RNF168: variants seen among roughly 807,000 people sequenced by gnomAD.
RNF168 encodes ring finger protein 168, also known as E3 ubiquitin-protein ligase RNF168.
A neutral mutation model predicts 34.9 loss-of-function variants in RNF168; 34 were observed. That is an observed-to-expected ratio of 0.97 (90% CI 0.74 to 1.30). The LOEUF is 1.30. RNF168 is among the 50% of genes most tolerant of loss of function. The probability of loss-of-function intolerance (pLI) is 0.00; values close to 1 mark genes in which losing one functional copy is unlikely to be tolerated. For synonymous variants in RNF168, 264 were observed against 254.7 expected, an observed-to-expected ratio of 1.04 and a Z score of -0.35; for missense variants, 725 against 682.5, an observed-to-expected ratio of 1.06 and a Z score of -0.69.
At chr3:196,494,007 C>G (rs1015741910) in intron 1 of RNF168, among the ~76,000 whole-genome samples, 4 of 151,792 alleles carry the variant, frequency 2.6e-5, no homozygotes, top group African/African-American at 9.7e-5. Context: ...CGCCCACCAC[C>G]ACACCCGGCT....
At chr3:196,488,807 G>A (rs1732520197) in intron 1 of RNF168, 124 bp from the exon 2 acceptor site, 2 of 486,662 alleles carry the variant, frequency 4.1e-6, no homozygotes, top group Non-Finnish European at 7.4e-6. Context: ...ATCTCCTTTT[G>A]GAATTCCATT....
intron 1 of RNF168, among the ~76,000 whole-genome samples, chr3:196,490,119 A>C (rs1208512253): frequency 6.6e-6 from 1 of 152,204 alleles, no homozygotes; most frequent in Non-Finnish European, 1.5e-5. Flanking sequence ...CAAACCTAAA[A>C]GCTAATCCAA....
intron 1 of RNF168, among the ~76,000 whole-genome samples, chr3:196,499,188 G>C (rs4244200): frequency 0.25 from 37,729 of 151,466 alleles, 6,148 homozygotes; most frequent in East Asian, 0.69. Context: ...AAAAGAGAGA[G>C]ACACAGAGGA....
rs751363298 is a variant in RNF168, at chr3:196,472,106, G to C, written c.1429C>G (p.Arg477Gly). Residue 477 changes from arginine (R) to glycine (G), a missense_variant, in exon 6 of 6, where the codon CGC becomes GGC. Transcript: ENST00000318037. ...TTGTCTGGAGGGGAGGATGTAGCGC[G>C]TAAGTGATACTCATCTGGGGATCCT... ...QKGSPDEYHL[R>G]ATSSPPDKVL... 44 of 1,613,660 alleles carry C rather than the reference G, an allele frequency of 2.7e-5. No homozygotes were observed. The highest frequency in any genetic ancestry group is 5.5e-5 in the South Asian group (5 of 90,996).
chr3:196,495,974 T>A (rs571837802), intron 1 of RNF168, among the ~76,000 whole-genome samples: 2 of 152,240 alleles, frequency 1.3e-5, no homozygotes, highest in Non-Finnish European at 2.9e-5. Context: ...ATCTCATATG[T>A]GCTTTCTTAC....
At chr3:196,476,072 T>A (rs1180193132) in intron 4 of RNF168, among the ~76,000 whole-genome samples, 1 of 151,324 alleles carries the variant, frequency 6.6e-6, no homozygotes, top group Non-Finnish European at 1.5e-5. Flanking sequence ...TTGGTCAGGC[T>A]GGTCTCGAAC....
chr3:196,487,864 T>G (rs957955532), intron 2 of RNF168, among the ~76,000 whole-genome samples: 11 of 152,200 alleles, frequency 7.2e-5, no homozygotes, highest in Non-Finnish European at 1.5e-5. Context: ...GAGAAAAATC[T>G]CTATTTATGT....
intron 4 of RNF168, among the ~76,000 whole-genome samples, chr3:196,477,813 G>A (rs1331688792): frequency 6.6e-6 from 1 of 152,216 alleles, no homozygotes; most frequent in South Asian, 2.1e-4. Flanking sequence ...ACTGGCCGTG[G>A]TGGTTCATGC....
intron 3 of RNF168, among the ~76,000 whole-genome samples, chr3:196,484,423 C>T (rs1351563580): frequency 6.7e-6 from 1 of 150,178 alleles, no homozygotes; most frequent in East Asian, 1.9e-4. Context: ...ATCTGCCTGC[C>T]TCGGCCTCCC....
intron 1 of RNF168, among the ~76,000 whole-genome samples, chr3:196,498,909 C>A (rs1386651592): frequency 1.3e-5 from 2 of 151,636 alleles, no homozygotes; most frequent in East Asian, 3.9e-4. Flanking sequence ...GCAGGAGAAT[C>A]ACTTGAACCC....
intron 4 of RNF168, among the ~76,000 whole-genome samples, chr3:196,483,339 AC>A (rs1732341311): frequency 2.0e-5 from 3 of 152,302 alleles, no homozygotes; most frequent in Admixed American, 2.0e-4. Context: ...TCCACCTGGC[AC>A]CTGACCCTGG....
intron 1 of RNF168, among the ~76,000 whole-genome samples, chr3:196,502,054 G>GAAAAAAAAAAAAA (rs554041803): frequency 8.4e-4 from 42 of 50,050 alleles, no homozygotes; most frequent in Non-Finnish European, 1.1e-3. Flanking sequence ...AAAAAAATTA[G>GAAAAAAAAAAAAA]AAAAAAAAAA....
Position 196,481,685 on chromosome 3 carries a change from T to A in RNF168, c.680+2085A>T, listed in dbSNP as rs1397463324. Among the ~76,000 whole-genome samples, 7 of 27,660 alleles carry A rather than the reference T, an allele frequency of 2.5e-4. No homozygotes were observed. The South Asian group carries it at 7.6e-3, about 30-fold the overall frequency. 18.1% of individuals were successfully genotyped at this position (27,660 alleles called of 152,430 possible). A position where few individuals can be genotyped will look rare whatever the true frequency, so the allele number is the denominator to read the frequency against. ...TTTTAAATACGTTTTCAGCTGCGTT[T>A]TTTTTTTTTTTTTTTTTTTTTTTTG... On this transcript the variant is annotated intron_variant, in intron 4 of 5. Coordinates refer to ENST00000318037, the MANE Select transcript of RNF168 (RefSeq NM_152617.4).
At chr3:196,482,642 A>G (rs1395914425) in intron 4 of RNF168, among the ~76,000 whole-genome samples, 3 of 152,164 alleles carry the variant, frequency 2.0e-5, no homozygotes, top group African/African-American at 7.2e-5. Flanking sequence ...TAGCCATCCT[A>G]ATGGGTATGA....
intron 4 of RNF168, among the ~76,000 whole-genome samples, chr3:196,478,568 C>T (rs1732207545): frequency 6.6e-6 from 1 of 152,184 alleles, no homozygotes; most frequent in African/African-American, 2.4e-5. Flanking sequence ...CAATTAAACT[C>T]TGTTAATTTG....
chr3:196,490,416 G>C (rs1732564950), intron 1 of RNF168, among the ~76,000 whole-genome samples: 1 of 152,180 alleles, frequency 6.6e-6, no homozygotes, highest in South Asian at 2.1e-4. Context: ...ACTCAGGCCT[G>C]TCCGTGCCAT....
At chr3:196,501,715 T>C (rs1272554247) in intron 1 of RNF168, among the ~76,000 whole-genome samples, 1 of 152,138 alleles carries the variant, frequency 6.6e-6, no homozygotes, top group Non-Finnish European at 1.5e-5. Context: ...TTATATACAT[T>C]TTGGACAATA....
intron 1 of RNF168, among the ~76,000 whole-genome samples, chr3:196,490,983 T>C (rs1281963708): frequency 6.6e-6 from 1 of 152,236 alleles, no homozygotes; most frequent in Non-Finnish European, 1.5e-5. Flanking sequence ...TGAGACTTTT[T>C]TTCAGGGAAA....
At position 196,483,768 on chromosome 3, in the gene RNF168, ACTT is replaced by A. The variant is rs1173183257; in HGVS notation, c.679_680+1del. The A allele has an allele frequency of 5.6e-6, 9 of 1,610,186 alleles. No homozygotes were observed. The highest frequency in any genetic ancestry group is 6.8e-6 in the Non-Finnish European group (8 of 1,176,684). On this transcript the variant is annotated splice_donor_variant and coding_sequence_variant, in exon 4 of 6. Coordinates refer to ENST00000318037, the MANE Select transcript of RNF168 (RefSeq NM_152617.4). LOFTEE classifies it high-confidence loss of function. Reference sequence around the variant, plus strand: ...AAATAATTCATAGTCATGTTCACTTACTTCTGAATATCTCCAGTGTTTCTTTGT... The same window carrying A: ...AAATAATTCATAGTCATGTTCACTTACTGAATATCTCCAGTGTTTCTTTGT...
Sources: gnomAD v4.1 joint callset for allele counts (sites outside exome capture counted in the v4.1 genomes callset) on GRCh38, gnomAD v4.1.1 for gene constraint, MANE v1.5 for transcripts, NCBI Gene and HGNC (gene_info 2026-07-23, HGNC 2026-07-21) for gene names.